Variants in TLL2 observed in about 807,000 individuals in gnomAD.
TLL2 encodes the protein tolloid-like protein 2.
In TLL2, 106 loss-of-function variants were observed where a neutral mutation model predicts 123.0. The ratio of observed to expected loss-of-function variants is 0.86; its 90% confidence interval spans 0.74 to 1.01. TLL2 has a LOEUF of 1.01. Ranked by LOEUF, TLL2 falls within the 50% of genes least tolerant of loss-of-function variation. The probability of loss-of-function intolerance (pLI) is 0.00; values close to 1 mark genes in which losing one functional copy is unlikely to be tolerated. For synonymous variants in TLL2, 494 were observed against 516.8 expected, an observed-to-expected ratio of 0.96 and a Z score of 0.60; for missense variants, 1,332 against 1,336.7, an observed-to-expected ratio of 1.00 and a Z score of 0.06.
intron 18 of TLL2, among the ~76,000 whole-genome samples, chr10:96,374,905 G>A (rs1347248814): frequency 1.3e-5 from 2 of 149,580 alleles, no homozygotes; most frequent in Admixed American, 6.7e-5. Context: ...GAGCGGGGAC[G>A]GTGTTAGATG....
At chr10:96,390,274 C>A (rs1318623031) in intron 13 of TLL2, among the ~76,000 whole-genome samples, 2 of 152,184 alleles carry the variant, frequency 1.3e-5, no homozygotes, top group Non-Finnish European at 2.9e-5. Context: ...TGAAGAAATC[C>A]CTTGAGGGAA....
intron 1 of TLL2, among the ~76,000 whole-genome samples, chr10:96,493,115 GCTC>G (rs1272359545): frequency 4.6e-5 from 7 of 152,286 alleles, no homozygotes; most frequent in Non-Finnish European, 7.4e-5. Context: ...GGCTCCTCTC[GCTC>G]CTCTAGCCCT....
chr10:96,396,102 A>T, intron 11 of TLL2, 82 bp from the exon 12 acceptor site: 1 of 1,536,162 alleles, frequency 6.5e-7, no homozygotes, highest in Non-Finnish European at 8.8e-7. Flanking sequence ...AGGCGGGGGG[A>T]ACAGCGCTTG....
At chr10:96,413,511 C>A (rs537802396) in intron 7 of TLL2, among the ~76,000 whole-genome samples, 195 bp from the exon 8 acceptor site, 2 of 152,208 alleles carry the variant, frequency 1.3e-5, no homozygotes, top group Non-Finnish European at 2.9e-5. Context: ...TCATCAGCTG[C>A]CTACTCGCTT....
chr10:96,471,429 G>A (rs1030116675), intron 2 of TLL2, among the ~76,000 whole-genome samples: 2 of 152,084 alleles, frequency 1.3e-5, no homozygotes, highest in Non-Finnish European at 2.9e-5. Flanking sequence ...TGCAGGTTCC[G>A]GAAGAGTACT....
chr10:96,422,625 C>A lies in TLL2; in HGVS notation c.741G>T (p.Val247=). 3 of 1,614,186 alleles carry A rather than the reference C, an allele frequency of 1.9e-6. No homozygotes were observed. Among genetic ancestry groups the A allele is most frequent in the African/African-American group, 1.3e-5 (1 of 75,054 alleles). ...GGGTGTGTTCATGCCAAAACCCAAC[C>A]ACATGGCCCAGCTCGTGAGCCACAA... ...FGIVAHELGH[V]VGFWHEHTRP... Residue 247 remains valine (V), a synonymous_variant, in exon 6 of 21, where the codon GTG becomes GTT. Coordinates refer to ENST00000357947, the MANE Select transcript of TLL2 (RefSeq NM_012465.4).
chr10:96,401,494 C>A (rs1417772661), intron 10 of TLL2, among the ~76,000 whole-genome samples: 1 of 134,770 alleles, frequency 7.4e-6, no homozygotes, highest in Non-Finnish European at 1.6e-5. Context: ...GTTACAGGCG[C>A]TGGCACTCTA....
At chr10:96,413,443 C>T (rs552417639) in intron 7 of TLL2, 127 bp from the exon 8 acceptor site, 3 of 1,207,108 alleles carry the variant, frequency 2.5e-6, no homozygotes, top group East Asian at 5.1e-5. Flanking sequence ...CAGCCTCTCC[C>T]AGGCTGGCAT....
intron 19 of TLL2, among the ~76,000 whole-genome samples, chr10:96,372,213 G>A (rs903272533): frequency 1.3e-5 from 2 of 152,158 alleles, no homozygotes; most frequent in South Asian, 2.1e-4. Context: ...ACCATGCAGC[G>A]TTTTCTGCTG....
chr10:96,457,616 T>C (rs1228707341), intron 2 of TLL2, among the ~76,000 whole-genome samples: 1 of 152,126 alleles, frequency 6.6e-6, no homozygotes. Context: ...CATGCAGACT[T>C]CCAGAAGTTT....
chr10:96,444,397 G>T (rs1179396596), intron 3 of TLL2, among the ~76,000 whole-genome samples: 2 of 152,160 alleles, frequency 1.3e-5, no homozygotes, highest in African/African-American at 2.4e-5. Flanking sequence ...CTACTCAAAA[G>T]AATACATTTA....
At chr10:96,386,310 T>C in intron 14 of TLL2, 95 bp from the exon 15 acceptor site, 9 of 1,290,572 alleles carry the variant, frequency 7.0e-6, no homozygotes, top group African/African-American at 1.5e-5. Context: ...TGTTCTGTAA[T>C]AATTTTAAAA....
chr10:96,460,790 A>G (rs1250478883), intron 2 of TLL2, among the ~76,000 whole-genome samples: 1 of 152,178 alleles, frequency 6.6e-6, no homozygotes, highest in Non-Finnish European at 1.5e-5. Context: ...CCTTATAGCA[A>G]TGTGAGAACA....
chr10:96,379,192 C>A, intron 16 of TLL2, 100 bp from the exon 17 acceptor site: 1 of 1,439,822 alleles, frequency 6.9e-7, no homozygotes, highest in African/African-American at 1.4e-5. Context: ...TGGGAAGCCT[C>A]TCTGATTGCT....
chr10:96,429,800 G>A (rs756139344), intron 4 of TLL2, among the ~76,000 whole-genome samples: 2 of 152,124 alleles, frequency 1.3e-5, no homozygotes, highest in Non-Finnish European at 2.9e-5. Context: ...TTTCTTCCAG[G>A]CCTTTGAAAA....
chr10:96,468,022 C>T (rs1187905795), intron 2 of TLL2, among the ~76,000 whole-genome samples: 1 of 152,172 alleles, frequency 6.6e-6, no homozygotes, highest in Admixed American at 6.5e-5. Context: ...GTGGTACTCC[C>T]AGGCTTGGTC....
intron 2 of TLL2, among the ~76,000 whole-genome samples, chr10:96,447,315 C>G (rs923507410): frequency 1.3e-5 from 2 of 152,182 alleles, no homozygotes; most frequent in African/African-American, 4.8e-5. Flanking sequence ...TTACAGGAAC[C>G]CTGCAGAGGG....
At chr10:96,411,248 A>T (rs1846502185) in intron 8 of TLL2, among the ~76,000 whole-genome samples, 1 of 114,082 alleles carries the variant, frequency 8.8e-6, no homozygotes. Flanking sequence ...ACAGAGTGAG[A>T]CTCTGTCTCA....
chr10:96,465,110 A>T (rs1412401913), intron 2 of TLL2, among the ~76,000 whole-genome samples: 1 of 152,216 alleles, frequency 6.6e-6, no homozygotes, highest in Non-Finnish European at 1.5e-5. Context: ...GAACTGGAGG[A>T]GAGAGGCAGA....
Sources: gnomAD v4.1 joint callset for allele counts (sites outside exome capture counted in the v4.1 genomes callset) on GRCh38, gnomAD v4.1.1 for gene constraint, MANE v1.5 for transcripts, NCBI Gene and HGNC (gene_info 2026-07-23, HGNC 2026-07-21) for gene names.